The following NCKAP5 variants were observed in gnomAD, a reference collection of about 807,000 sequenced individuals.
The protein encoded by NCKAP5 is NCK associated protein 5, also known as nck-associated protein 5.
A neutral mutation model predicts 167.0 loss-of-function variants in NCKAP5; 92 were observed. That is an observed-to-expected ratio of 0.55 (90% confidence interval 0.47 to 0.66). The LOEUF is 0.66. Among genes scored for constraint, NCKAP5 ranks in the 30% least tolerant of loss-of-function variants. NCKAP5 has a pLI of 0.00. For synonymous variants in NCKAP5, 891 were observed against 877.4 expected (o/e 1.02, Z -0.27); for missense variants, 2,378 against 2,315.0 (o/e 1.03, Z -0.56).
At chr2:133,287,707 T>C (rs570385889) in intron 4 of NCKAP5, among the ~76,000 whole-genome samples, 1 of 152,180 alleles carries the variant, frequency 6.6e-6, no homozygotes, top group Non-Finnish European at 1.5e-5. Flanking sequence ...TATGTATACT[T>C]ATATGAAATA....
chr2:133,584,865 T>C, the NCKAP5 span, among the ~76,000 whole-genome samples: 1 of 150,614 alleles, frequency 6.6e-6, no homozygotes, highest in Non-Finnish European at 1.5e-5. Flanking sequence ...ATAAGGACAA[T>C]AGTTAATAAA....
chr2:133,127,253 C>A (rs1240427143), intron 6 of NCKAP5, among the ~76,000 whole-genome samples: 3 of 151,992 alleles, frequency 2.0e-5, no homozygotes, highest in African/African-American at 4.8e-5. Context: ...TCTTAAAAAC[C>A]AAAGTTTAAA....
At chr2:133,573,340 C>T (rs1423017396), upstream of NCKAP5, among the ~76,000 whole-genome samples, 1 of 152,204 alleles carries the variant, frequency 6.6e-6, no homozygotes, top group Admixed American at 6.5e-5. Context: ...AGGGCTGCCT[C>T]CTGGTCCCCT....
chr2:132,775,146 G>T (rs1682441902), intron 15 of NCKAP5, among the ~76,000 whole-genome samples: 1 of 152,318 alleles, frequency 6.6e-6, no homozygotes, highest in South Asian at 2.1e-4. Flanking sequence ...GTTAGAGGTT[G>T]CCAGTGGATT....
chr2:133,093,119 AG>A (rs1342519690), intron 6 of NCKAP5, among the ~76,000 whole-genome samples: 5 of 152,238 alleles, frequency 3.3e-5, no homozygotes, highest in Non-Finnish European at 5.9e-5. Flanking sequence ...TGCTTAGCAT[AG>A]TACCTAGGAC....
chr2:133,295,977 G>A (rs143449770), intron 4 of NCKAP5, among the ~76,000 whole-genome samples: 111 of 152,194 alleles, frequency 7.3e-4, no homozygotes, highest in African/African-American at 2.5e-3. Context: ...GATGCTAACA[G>A]TCCTTTCCTG....
At chr2:133,540,950 A>AG (rs1393759029) in intron 2 of NCKAP5, among the ~76,000 whole-genome samples, 1 of 149,830 alleles carries the variant, frequency 6.7e-6, no homozygotes, top group East Asian at 2.0e-4. Flanking sequence ...AAAAAAAAAA[A>AG]AGAAAGAAAA....
chr2:133,398,943 T>C (rs571612173), intron 3 of NCKAP5, among the ~76,000 whole-genome samples: 2 of 152,114 alleles, frequency 1.3e-5, no homozygotes, highest in African/African-American at 4.8e-5. Flanking sequence ...GTTTATAAAG[T>C]GGAGCTGGGC....
chr2:133,536,014 T>C (rs970574003), intron 2 of NCKAP5, among the ~76,000 whole-genome samples: 4 of 152,314 alleles, frequency 2.6e-5, no homozygotes, highest in Middle Eastern at 3.4e-3. Flanking sequence ...GTTGTTTGAG[T>C]TCCTTGTAGA....
intron 6 of NCKAP5, among the ~76,000 whole-genome samples, chr2:133,049,658 C>T (rs2079538084): frequency 6.6e-6 from 1 of 151,646 alleles, no homozygotes; most frequent in Non-Finnish European, 1.5e-5. Flanking sequence ...TGGTTTATTT[C>T]ATTTCCCTTA....
At chr2:132,696,180 G>T (rs1000447335) in intron 19 of NCKAP5, among the ~76,000 whole-genome samples, 1 of 152,212 alleles carries the variant, frequency 6.6e-6, no homozygotes, top group Non-Finnish European at 1.5e-5. Flanking sequence ...ATGATGCCAT[G>T]ATGACTCCAG....
At chr2:133,020,338 A>G (rs1391632972) in intron 6 of NCKAP5, among the ~76,000 whole-genome samples, 1 of 152,220 alleles carries the variant, frequency 6.6e-6, no homozygotes, top group African/African-American at 2.4e-5. Context: ...GCTGAGTCCT[A>G]TGGTGGTCAG....
intron 3 of NCKAP5, among the ~76,000 whole-genome samples, chr2:133,305,927 G>A (rs1680745666): frequency 6.6e-6 from 1 of 152,188 alleles, no homozygotes; most frequent in Non-Finnish European, 1.5e-5. Flanking sequence ...ATTGCGAAAA[G>A]AGACATTAAT....
chr2:133,336,143 C>A (rs774291322), intron 3 of NCKAP5, among the ~76,000 whole-genome samples: 1 of 152,092 alleles, frequency 6.6e-6, no homozygotes, highest in African/African-American at 2.4e-5. Context: ...GCAGCCCCAA[C>A]AGAAAAGCAG....
At chr2:132,916,436 G>A (rs1468146056) in intron 8 of NCKAP5, among the ~76,000 whole-genome samples, 2 of 152,032 alleles carry the variant, frequency 1.3e-5, no homozygotes, top group African/African-American at 4.8e-5. Flanking sequence ...AAAGTGGAAA[G>A]GTTCCACTGT....
At chr2:132,750,379 T>G (rs1328773937) in intron 16 of NCKAP5, among the ~76,000 whole-genome samples, 1 of 152,196 alleles carries the variant, frequency 6.6e-6, no homozygotes, top group African/African-American at 2.4e-5. Context: ...AACTTGGCCT[T>G]CCAATAGAAT....
intron 16 of NCKAP5, among the ~76,000 whole-genome samples, chr2:132,763,240 A>G (rs1681165260): frequency 6.6e-6 from 1 of 152,176 alleles, no homozygotes; most frequent in African/African-American, 2.4e-5. Flanking sequence ...CTAAGTTCAA[A>G]TATCTAAGCT....
intron 11 of NCKAP5, among the ~76,000 whole-genome samples, chr2:132,836,441 G>T (rs1384634201): frequency 3.0e-4 from 44 of 146,324 alleles, no homozygotes. Flanking sequence ...TGTTATTGGT[G>T]TTTTTTTTTT....
At chr2:133,656,244 A>T in the NCKAP5 span, among the ~76,000 whole-genome samples, 2 of 151,456 alleles carry the variant, frequency 1.3e-5, no homozygotes, top group Non-Finnish European at 2.9e-5. Context: ...AGAGCCTAAA[A>T]TGCCTCGTGG....
Sources: allele counts gnomAD v4.1 joint callset (sites outside exome capture counted in the v4.1 genomes callset), GRCh38; gene constraint gnomAD v4.1.1; transcripts MANE v1.5; gene names NCBI Gene and HGNC (gene_info 2026-07-23, HGNC 2026-07-21).